The following LRRK1 variants were observed in gnomAD, a reference collection of about 807,000 sequenced individuals.
The protein encoded by LRRK1 is leucine rich repeat kinase 1.
Under a neutral mutation model 209.1 loss-of-function variants are expected in LRRK1, and 113 were observed. The observed-to-expected ratio is 0.54, with a 90% CI of 0.46 to 0.63. The LOEUF is 0.63. LRRK1 is among the 30% of genes least tolerant of loss of function. The probability of loss-of-function intolerance (pLI) is 0.00; values close to 1 mark genes in which losing one functional copy is unlikely to be tolerated. For missense variants in LRRK1, 2,284 were observed against 2,632.2 expected, an observed-to-expected ratio of 0.87 and a Z score of 2.89; for synonymous variants, 1,144 against 1,099.7, an observed-to-expected ratio of 1.04 and a Z score of -0.80.
intron 16 of LRRK1, 39 bp downstream of exon 16, chr15:101,025,006 C>T (rs1474695266): frequency 1.9e-6 from 3 of 1,589,442 alleles, no homozygotes; most frequent in Non-Finnish European, 2.6e-6. Flanking sequence ...TTTCAGTGCC[C>T]AGAGCTTTGC....
chr15:101,019,131 C>T (rs994752579), intron 12 of LRRK1, among the ~76,000 whole-genome samples: 2 of 152,186 alleles, frequency 1.3e-5, no homozygotes, highest in Admixed American at 6.5e-5. Flanking sequence ...CCATCGTTTT[C>T]AACACTGGGC....
rs1567191065 is a variant in LRRK1 at position 100,941,428 on chromosome 15, C to CTCTGTGTGTGTCTT, written c.97+16700_97+16701insCTGTGTGTGTCTTT. Among the ~76,000 whole-genome samples, 39 of 51,326 alleles carry CTCTGTGTGTGTCTT rather than the reference C, an allele frequency of 7.6e-4. 5 individuals are homozygous for CTCTGTGTGTGTCTT. Among genetic ancestry groups the CTCTGTGTGTGTCTT allele is most frequent in the African/African-American group, 4.0e-3 (31 of 7,830 alleles). 33.7% of individuals were successfully genotyped at this position (51,326 alleles called of 152,430 possible). On this transcript the variant is annotated intron_variant, in intron 2 of 33. Coordinates refer to ENST00000388948, the MANE Select transcript of LRRK1 (RefSeq NM_024652.6). ...TGTGTGTCTCTGTGTGTGTGTGTGT[C>CTCTGTGTGTGTCTT]TGTGTGTGTGTGTGTGTCTGTGTGT... is the stretch of plus-strand genomic sequence containing the variant.
chr15:100,971,194 C>G (rs536466717), intron 2 of LRRK1, among the ~76,000 whole-genome samples: 1 of 152,032 alleles, frequency 6.6e-6, no homozygotes, highest in South Asian at 2.1e-4. Context: ...ATTAGCTGGA[C>G]TTGGTGGCGT....
intron 2 of LRRK1, among the ~76,000 whole-genome samples, chr15:100,941,448 G>T (rs78658984): frequency 6.6e-3 from 120 of 18,080 alleles, no homozygotes; most frequent in East Asian, 0.013. Context: ...GTGTGTGTCT[G>T]TGTGTGTCTA....
rs1230086942 is a variant in LRRK1, at chr15:100,919,413, G to T, written c.-161G>T. 2.0e-5 allele frequency: 3 copies of T among 149,554 alleles called. No individual in the cohort carries two copies. The highest frequency in any genetic ancestry group is 4.5e-5 in the Non-Finnish European group (3 of 66,880). The allele number at this position is 149,554 out of a possible 1,614,324, so 9.3% of individuals were successfully genotyped here. A position where few individuals can be genotyped will look rare whatever the true frequency, so the allele number is the denominator to read the frequency against. ...CGCCAGTGTGTCCGCCCGGCCCCGC[G>T]TCCCGGAGCGCCCGCACCCGGCCCC... On this transcript the variant is annotated 5_prime_UTR_variant, in exon 1 of 34. Coordinates refer to ENST00000388948, the MANE Select transcript of LRRK1 (RefSeq NM_024652.6). This position sits in a 1 kb window ranked among gnomAD's most constrained non-coding sequence, Gnocchi z 5.8.
chr15:100,948,921 G>C (rs1205298188), intron 2 of LRRK1, among the ~76,000 whole-genome samples: 1 of 151,964 alleles, frequency 6.6e-6, no homozygotes, highest in Non-Finnish European at 1.5e-5. Flanking sequence ...ATGTAAAAAA[G>C]AAGAAAGATC....
Position 101,056,942 on chromosome 15 carries a change from C to T in LRRK1, c.4419C>T (p.Ala1473=). The change falls in exon 28 of 34, where the codon GCC becomes GCT. Residue 1473 remains alanine (A), a synonymous_variant. Transcript: ENST00000388948. ...TGGGCCACCACCAGCTCCAGATTGC[C>T]AAGAAGCTGTCCAAGGGCATCCGCC... ...PALGHHQLQI[A]KKLSKGIRPV... 1.9e-6 allele frequency: 3 copies of T among 1,614,184 alleles called. No homozygotes were observed. The highest frequency in any genetic ancestry group is 2.5e-6 in the Non-Finnish European group (3 of 1,180,028).
chr15:100,997,466 G>A (rs555480902), intron 6 of LRRK1, among the ~76,000 whole-genome samples: 1 of 152,280 alleles, frequency 6.6e-6, no homozygotes, highest in African/African-American at 2.4e-5. Flanking sequence ...AAAAATTTGA[G>A]AGAATGAACA....
At chr15:100,941,586 C>T (rs1377493102) in intron 2 of LRRK1, among the ~76,000 whole-genome samples, 4 of 151,152 alleles carry the variant, frequency 2.6e-5, no homozygotes, top group Non-Finnish European at 4.4e-5. Context: ...CTCTTTATGG[C>T]GCTGCTCTTC....
In LRRK1 at chr15:101,021,775, C is replaced by CGTGT. The variant is rs3031683; in HGVS notation, c.1740-35_1740-32dup. The CGTGT allele has an allele frequency of 1.3e-3, 1,076 of 856,984 alleles. 11 individuals carry two copies. In the African/African-American group the frequency reaches 0.017, roughly 13 times the overall value. 53.1% of individuals were successfully genotyped at this position (856,984 alleles called of 1,614,324 possible). ...GAGGCTGACAGGAGCCACGTGTGTG[C>CGTGT]GTGTGTGTGTGTGTGTGTGTGTGTG... On this transcript the variant is annotated intron_variant, in intron 13 of 33. Coordinates refer to ENST00000388948, the MANE Select transcript of LRRK1 (RefSeq NM_024652.6).
rs78489542 is a variant in LRRK1, at chr15:101,055,694, C to A, written c.4332+471C>A. On this transcript the variant is annotated intron_variant, in intron 27 of 33. Transcript: ENST00000388948. The stretch of plus-strand genomic sequence containing the variant: ...CCAAACCAGGAGAAGAGTGAAAGAG[C>A]AAGCTGGCATCCCCTGGCAACTGCA... Among the ~76,000 whole-genome samples the A allele has an allele frequency of 6.6e-5, 10 of 152,272 alleles. No individual in the cohort carries two copies. In the East Asian group the frequency reaches 1.9e-3, roughly 29 times the overall value.
At position 100,924,567 on chromosome 15, in the gene LRRK1, C is replaced by T. The variant is rs144839182; in HGVS notation, c.-66C>T. The T allele has an allele frequency of 7.4e-5, 107 of 1,446,596 alleles. 2 individuals carry two copies. In the East Asian group the frequency reaches 2.3e-3, roughly 31 times the overall value. 89.6% of individuals were successfully genotyped at this position (1,446,596 alleles called of 1,614,324 possible). ...CGAGTCCACGCCTTAATGCACCCCACAGCCAGCGGCAGTGGCAGTGACAAC... is the reference window on the plus strand; with the variant it reads ...CGAGTCCACGCCTTAATGCACCCCATAGCCAGCGGCAGTGGCAGTGACAAC... On this transcript the variant is annotated 5_prime_UTR_variant, in exon 2 of 34. Transcript: ENST00000388948.
At chr15:100,982,011 T>G (rs2031629782) in intron 3 of LRRK1, among the ~76,000 whole-genome samples, 1 of 152,240 alleles carries the variant, frequency 6.6e-6, no homozygotes, top group Non-Finnish European at 1.5e-5. Context: ...CAGTGCCCAG[T>G]CCCACCTGTC....
intron 2 of LRRK1, 63 bp downstream of exon 2, chr15:100,924,792 G>C (rs2042080927): frequency 8.0e-7 from 1 of 1,256,256 alleles, no homozygotes; most frequent in Non-Finnish European, 1.2e-6. Context: ...CCTGCAGGGT[G>C]TCTAGGCTAT....
intron 2 of LRRK1, among the ~76,000 whole-genome samples, chr15:100,971,780 C>G (rs1468007485): frequency 6.6e-6 from 1 of 152,096 alleles, no homozygotes; most frequent in South Asian, 2.1e-4. Context: ...CTCCCTGCTC[C>G]GACACTCACC....
chr15:101,006,644 A>ACTG (rs1555466918), intron 6 of LRRK1, among the ~76,000 whole-genome samples: 1 of 151,708 alleles, frequency 6.6e-6, no homozygotes. Flanking sequence ...GAAAAATATT[A>ACTG]TTCTTCAGGG....
At position 101,074,106 on chromosome 15, in the gene LRRK1, A is replaced by T. The variant is rs1253753387; in HGVS notation, c.*5258A>T. 1 of 151,694 alleles carries T rather than the reference A, an allele frequency of 6.6e-6. No homozygotes were observed. Among genetic ancestry groups the T allele is most frequent in the Non-Finnish European group, 1.5e-5 (1 of 67,928 alleles). The allele number at this position is 151,694 out of a possible 1,614,324, so 9.4% of individuals were successfully genotyped here. On this transcript the variant is annotated 3_prime_UTR_variant, in exon 34 of 34. Transcript: ENST00000388948. ...TCTGTTCCCAGTGCAACTCATCCCA[A>T]ATCTTCCTTCTTTCCCTCCCGCCTG... is the stretch of plus-strand genomic sequence containing the variant.
chr15:100,988,839 A>G (rs2032012155), intron 5 of LRRK1, 26 bp downstream of exon 5: 1 of 1,556,458 alleles, frequency 6.4e-7, no homozygotes, highest in African/African-American at 1.4e-5. Flanking sequence ...ACCCTGAGTC[A>G]ACCCTGACCG....
intron 20 of LRRK1, among the ~76,000 whole-genome samples, chr15:101,030,801 G>A (rs2034247113): frequency 6.6e-6 from 1 of 152,136 alleles, no homozygotes; most frequent in African/African-American, 2.4e-5. Context: ...GGTACAGTTG[G>A]TATTTGGTTA....
Sources: allele counts gnomAD v4.1 joint callset (sites outside exome capture counted in the v4.1 genomes callset), GRCh38; gene constraint gnomAD v4.1.1; non-coding constraint Gnocchi (gnomAD v3.1); transcripts MANE v1.5; gene names NCBI Gene and HGNC (gene_info 2026-07-23, HGNC 2026-07-21).